The following PIGR variants were observed in gnomAD, a reference collection of about 807,000 sequenced individuals.
PIGR encodes hepatocellular carcinoma associated protein TB6.
A neutral mutation model predicts 69.5 loss-of-function variants in PIGR; 22 were observed. That is an observed-to-expected ratio of 0.32 (90% CI 0.23 to 0.45). PIGR has a LOEUF of 0.45. Among genes scored for constraint, PIGR ranks in the 20% least tolerant of loss-of-function variants. PIGR has a pLI of 1.00. For missense variants in PIGR, 885 were observed against 974.0 expected (o/e 0.91, Z 1.22); for synonymous variants, 413 against 407.6 (o/e 1.01, Z -0.16).
intron 3 of PIGR, 26 bp downstream of exon 3, chr1:206,939,093 G>A (rs781487799): frequency 6.4e-7 from 1 of 1,566,784 alleles, no homozygotes; most frequent in East Asian, 2.3e-5. Flanking sequence ...CTTTCCCCCA[G>A]AAGCCCAAGG....
intron 3 of PIGR, among the ~76,000 whole-genome samples, chr1:206,938,117 G>A (rs1233941666): frequency 6.6e-6 from 1 of 152,226 alleles, no homozygotes; most frequent in Non-Finnish European, 1.5e-5. Flanking sequence ...TGGGTAGTAG[G>A]TGGCCAAATT....
chr1:206,930,409 G>A lies in PIGR; in HGVS notation c.2204C>T (p.Ser735Phe), dbSNP rs1178776392. Residue 735 changes from serine (S) to phenylalanine (F), a missense_variant, in exon 11 of 11, where the codon TCC (serine) becomes TTC (phenylalanine). Coordinates refer to ENST00000356495, the MANE Select transcript of PIGR (RefSeq NM_002644.4). The surrounding 1 kb of genome is among the most constrained non-coding windows in gnomAD (Gnocchi z 4.3). ...TKEPKKAKRSSKEEAEMAYKD... is the reference protein window; with the variant it reads ...TKEPKKAKRSFKEEAEMAYKD... ...GTAGGCCATCTCGGCTTCCTCCTTG[G>A]ATGACTAAGGGGCAAGAGGAGAGGC... is the stretch of plus-strand genomic sequence containing the variant. 2 of 1,613,040 alleles carry A rather than the reference G, an allele frequency of 1.2e-6. No individual in the cohort carries two copies. The highest frequency in any genetic ancestry group is 1.7e-6 in the Non-Finnish European group (2 of 1,179,586).
chr1:206,930,692 C>T lies in PIGR; in HGVS notation c.2200-279G>A. On this transcript the variant is annotated intron_variant, in intron 10 of 10. Transcript: ENST00000356495. The surrounding 1 kb of genome is among the most constrained non-coding windows in gnomAD (Gnocchi z 4.3). ...TGTTGCCCGGGCCTGTCCCCGGAAG[C>T]TGCCCACACAGTCCACGGGCAAGGT... 1 of 985,434 alleles carries T rather than the reference C, an allele frequency of 1.0e-6. No homozygotes were observed. Among genetic ancestry groups the T allele is most frequent in the Non-Finnish European group, 1.2e-6 (1 of 829,940 alleles). The allele number at this position is 985,434 out of a possible 1,614,324, so 61.0% of individuals were successfully genotyped here.
chr1:206,940,772 C>T (rs1021863077), intron 1 of PIGR, among the ~76,000 whole-genome samples, 188 bp from the exon 2 acceptor site: 2 of 152,206 alleles, frequency 1.3e-5, no homozygotes, highest in Non-Finnish European at 2.9e-5. Flanking sequence ...ACTTGTATAT[C>T]CTTAATAGCT....
chr1:206,944,237 G>T (rs1315846473), intron 1 of PIGR, among the ~76,000 whole-genome samples: 2 of 152,182 alleles, frequency 1.3e-5, no homozygotes, highest in Non-Finnish European at 2.9e-5. Context: ...CACCTTGGGA[G>T]GCTGAGGTGG....
chr1:206,941,115 G>C (rs1246883979), intron 1 of PIGR, among the ~76,000 whole-genome samples: 1 of 152,218 alleles, frequency 6.6e-6, no homozygotes, highest in Non-Finnish European at 1.5e-5. Flanking sequence ...CCCTTATTCT[G>C]TCTCAGGCAC....
rs769405117 is a variant in PIGR at position 206,939,378 on chromosome 1, T to C, written c.129A>G (p.Pro43=). 1.8e-5 allele frequency: 29 copies of C among 1,614,120 alleles called. No homozygotes were observed. In the South Asian group the frequency reaches 3.1e-4, roughly 17 times the overall value. ...GGGTGTGCCGGTTGACAGAGGTGGG[T>C]GGGTAGTAGCACGTGATGGACACTG... is the stretch of plus-strand genomic sequence containing the variant. ...GNSVSITCYY[P]PTSVNRHTRK... is the part of the protein sequence containing the mutation. Residue 43 remains proline (P), a synonymous_variant, in exon 3 of 11, where the codon CCA becomes CCG. Coordinates refer to ENST00000356495, the MANE Select transcript of PIGR (RefSeq NM_002644.4).
intron 1 of PIGR, among the ~76,000 whole-genome samples, chr1:206,945,139 G>A (rs760842065): frequency 9.9e-5 from 15 of 152,262 alleles, no homozygotes; most frequent in South Asian, 4.1e-4. Flanking sequence ...ATCCAGGGGC[G>A]GGACAAGGAT....
chr1:206,942,006 C>A (rs1679997601), intron 1 of PIGR, among the ~76,000 whole-genome samples: 1 of 152,222 alleles, frequency 6.6e-6, no homozygotes, highest in South Asian at 2.1e-4. Context: ...AGACTCCCTT[C>A]ACCAGCTTGA....
At chr1:206,932,270 T>C (rs1384530383) in intron 8 of PIGR, among the ~76,000 whole-genome samples, 186 bp downstream of exon 8, 1 of 152,224 alleles carries the variant, frequency 6.6e-6, no homozygotes, top group Non-Finnish European at 1.5e-5. Context: ...TGTTAGTATT[T>C]GGACAGCAGC....
At chr1:206,931,577 G>T (rs1679751305) in intron 9 of PIGR, 22 bp from the exon 10 acceptor site, 1 of 1,613,712 alleles carries the variant, frequency 6.2e-7, no homozygotes, top group Admixed American at 1.7e-5. Context: ...AAGAGGGTAG[G>T]TTAGCCCTTA....
intron 4 of PIGR, among the ~76,000 whole-genome samples, chr1:206,936,158 G>T (rs1001185119): frequency 6.6e-6 from 1 of 152,152 alleles, no homozygotes; most frequent in Admixed American, 6.5e-5. Flanking sequence ...GTAGGTTTTT[G>T]TCTATTTAGT....
Position 206,940,553 on chromosome 1 carries a change from G to A in PIGR, c.-22C>T, listed in dbSNP as rs200299284. The A allele has an allele frequency of 3.6e-5, 55 of 1,548,578 alleles. No individual in the cohort carries two copies. The highest frequency in any genetic ancestry group is 5.5e-5 in the African/African-American group (4 of 72,930). On this transcript the variant is annotated 5_prime_UTR_variant, in exon 2 of 11. Transcript: ENST00000356495. ...GCATTGCTGGTGGGTCCCGAGCGCCGCACCACTCAGGCCGACTTCTCCTGT... is the reference window on the plus strand; with the variant it reads ...GCATTGCTGGTGGGTCCCGAGCGCCACACCACTCAGGCCGACTTCTCCTGT...
chr1:206,931,370 C>T, intron 10 of PIGR, 127 bp downstream of exon 10: 2 of 1,594,282 alleles, frequency 1.3e-6, no homozygotes. Flanking sequence ...CTCCTGAGGA[C>T]TATTTATATC....
intron 6 of PIGR, among the ~76,000 whole-genome samples, chr1:206,934,166 G>A (rs760544046): frequency 2.0e-5 from 3 of 152,182 alleles, no homozygotes; most frequent in South Asian, 2.1e-4. Flanking sequence ...TCAGCTGGGA[G>A]TTGTCTTAAT....
intron 5 of PIGR, among the ~76,000 whole-genome samples, 175 bp from the exon 6 acceptor site, chr1:206,934,921 C>T (rs1179723096): frequency 1.3e-5 from 2 of 152,030 alleles, no homozygotes; most frequent in Non-Finnish European, 2.9e-5. Flanking sequence ...GGTAGTGGTG[C>T]GATCATAGCT....
In PIGR at chr1:206,930,926, A is replaced by G. The variant is rs978467220; in HGVS notation, c.2200-513T>C. 1 of 985,442 alleles carries G rather than the reference A, an allele frequency of 1.0e-6. No individual in the cohort carries two copies. Among genetic ancestry groups the G allele is most frequent in the Non-Finnish European group, 1.2e-6 (1 of 829,924 alleles). 61.0% of individuals were successfully genotyped at this position (985,442 alleles called of 1,614,324 possible). On this transcript the variant is annotated intron_variant, in intron 10 of 10. Transcript: ENST00000356495. The surrounding 1 kb of genome is among the most constrained non-coding windows in gnomAD (Gnocchi z 4.3). Reference sequence around the variant, plus strand: ...ACAAAAACTCTCACCTCGGGATTAAAGGCATGAGATGTTATTTTTCTTGGT... The same window carrying G: ...ACAAAAACTCTCACCTCGGGATTAAGGGCATGAGATGTTATTTTTCTTGGT...
chr1:206,931,321 A>G, intron 10 of PIGR, 176 bp downstream of exon 10: 1 of 1,480,304 alleles, frequency 6.8e-7, no homozygotes, highest in East Asian at 2.5e-5. Context: ...GCATCCCACA[A>G]CCAGTAAGAT....
rs1282161821 is a variant in PIGR at position 206,930,617 on chromosome 1, T to A, written c.2200-204A>T. 2.6e-5 allele frequency: 26 copies of A among 985,226 alleles called. No homozygotes were observed. Among genetic ancestry groups the A allele is most frequent in the Non-Finnish European group, 3.1e-5 (26 of 829,932 alleles). 61.0% of individuals were successfully genotyped at this position (985,226 alleles called of 1,614,324 possible). On this transcript the variant is annotated intron_variant, in intron 10 of 10. Transcript: ENST00000356495. This position sits in a 1 kb window ranked among gnomAD's most constrained non-coding sequence, Gnocchi z 4.3. Reference sequence around the variant, plus strand: ...TGGAAAGTTGCAGCCTCTAAAAATATCTTCTTCTGTCTCACTACCTCCTTC... The same window carrying A: ...TGGAAAGTTGCAGCCTCTAAAAATAACTTCTTCTGTCTCACTACCTCCTTC...
Sources: allele counts gnomAD v4.1 joint callset (sites outside exome capture counted in the v4.1 genomes callset), GRCh38; gene constraint gnomAD v4.1.1; non-coding constraint Gnocchi (gnomAD v3.1); transcripts MANE v1.5; gene names NCBI Gene and HGNC (gene_info 2026-07-23, HGNC 2026-07-21).